The following TET3 variants were observed in gnomAD, a reference collection of about 807,000 sequenced individuals.
TET3 encodes the protein methylcytosine dioxygenase TET3.
A neutral mutation model predicts 141.4 loss-of-function variants in TET3; 19 were observed. The ratio of observed to expected loss-of-function variants is 0.13; its 90% CI spans 0.09 to 0.20. The LOEUF is 0.20. Among genes scored for constraint, TET3 ranks in the 10% least tolerant of loss-of-function variants. TET3 has a pLI of 1.00. For synonymous variants in TET3, 1,043 were observed against 980.9 expected, an observed-to-expected ratio of 1.06 and a Z score of -1.18; for missense variants, 1,874 against 2,356.9, an observed-to-expected ratio of 0.80 and a Z score of 4.24.
chr2:74,049,207 G>A (rs1167403099), intron 4 of TET3, among the ~76,000 whole-genome samples: 1 of 152,134 alleles, frequency 6.6e-6, no homozygotes, highest in Non-Finnish European at 1.5e-5. Flanking sequence ...CCTGGGGGTG[G>A]TGGTGTTCAC....
At position 74,047,472 on chromosome 2, in the gene TET3, G is replaced by A. The variant is rs539053042; in HGVS notation, c.1555G>A (p.Asp519Asn). 19 of 1,612,314 alleles carry A rather than the reference G, an allele frequency of 1.2e-5. No individual in the cohort carries two copies. The highest frequency in any genetic ancestry group is 1.0e-4 in the Admixed American group (6 of 59,978). Reference protein sequence around the residue: ...REAPTPSSEPDTHQKAQTALQ... With the variant: ...REAPTPSSEPNTHQKAQTALQ... ...GGCTCCCACGCCATCCTCGGAGCCC[G>A]ACACCCACCAGAAGGCCCAGACCGC... The change falls in exon 4 of 12, where the codon GAC becomes AAC. Residue 519 changes from aspartate (D) to asparagine (N), a missense_variant. Asp to Asn is a conservative substitution (Grantham distance 23, BLOSUM62 1). Around this residue, in one of 10 missense-constraint regions of TET3, gnomAD observed 484 missense variants for 462.2 expected, o/e 1.05. Coordinates refer to ENST00000409262, the MANE Select transcript of TET3 (RefSeq NM_001287491.2).
intron 3 of TET3, among the ~76,000 whole-genome samples, chr2:74,012,906 T>C (rs1685532450): frequency 6.6e-6 from 1 of 152,148 alleles, no homozygotes; most frequent in Admixed American, 6.5e-5. Flanking sequence ...GCTTTTGTCA[T>C]GTCTGTTTAG....
chr2:74,005,335 A>G (rs371598915), intron 3 of TET3, among the ~76,000 whole-genome samples: 4 of 152,160 alleles, frequency 2.6e-5, no homozygotes, highest in East Asian at 3.9e-4. Context: ...CTGAGTTTTT[A>G]AAACTCTGAG....
In TET3 at chr2:73,986,287, C is replaced by T. The variant is rs2105055863; in HGVS notation, c.-117C>T. 1.0e-5 allele frequency: 10 copies of T among 975,352 alleles called. No individual in the cohort carries two copies. The highest frequency in any genetic ancestry group is 1.3e-5 in the Non-Finnish European group (10 of 754,638). The allele number at this position is 975,352 out of a possible 1,614,324, so 60.4% of individuals were successfully genotyped here. A position where few individuals can be genotyped will look rare whatever the true frequency, so the allele number is the denominator to read the frequency against. ...CCACGAGACTGAAGCCACTTGCCTT[C>T]ACCCTTGTAGACTCTTGACTGTTCT... On this transcript the variant is annotated 5_prime_UTR_variant, in exon 2 of 12. Transcript: ENST00000409262.
chr2:74,130,849 C>A, the TET3 span: 6,154 of 152,354 alleles, frequency 0.04, 230 homozygotes, highest in African/African-American at 0.1. Context: ...CCTGCCCGGG[C>A]TCTGGCTGCC....
chr2:74,074,225 C>T (rs1383272445), intron 5 of TET3, among the ~76,000 whole-genome samples: 2 of 152,070 alleles, frequency 1.3e-5, no homozygotes, highest in African/African-American at 2.4e-5. Flanking sequence ...TCACATTGTA[C>T]GTTTATCCAA....
chr2:74,041,657 C>T (rs976550439), intron 3 of TET3, among the ~76,000 whole-genome samples: 4 of 152,180 alleles, frequency 2.6e-5, no homozygotes, highest in African/African-American at 9.7e-5. Context: ...TAATGGATCA[C>T]AGCATAAAAT....
intron 4 of TET3, among the ~76,000 whole-genome samples, chr2:74,069,582 TTCTTA>T (rs1440140722): frequency 6.6e-6 from 1 of 151,558 alleles, no homozygotes; most frequent in Non-Finnish European, 1.5e-5. Context: ...TCTATGCCCT[TTCTTA>T]TCTTTTTTTT....
At chr2:74,043,607 C>T (rs1349982780) in intron 3 of TET3, among the ~76,000 whole-genome samples, 2 of 152,088 alleles carry the variant, frequency 1.3e-5, no homozygotes, top group Non-Finnish European at 2.9e-5. Flanking sequence ...CTCTAAGAGG[C>T]TGAGAAGGGC....
intron 3 of TET3, among the ~76,000 whole-genome samples, chr2:74,039,436 A>G (rs1687231093): frequency 6.6e-6 from 1 of 152,166 alleles, no homozygotes; most frequent in Admixed American, 6.5e-5. Flanking sequence ...CAGCACTGAT[A>G]TGATTTAGGG....
chr2:74,102,416 T>G lies in TET3; in HGVS notation c.*240T>G. On this transcript the variant is annotated 3_prime_UTR_variant, in exon 12 of 12. Transcript: ENST00000409262. ...GAAACTACGGCTGTCGGGTGATTTT[T>G]CCGTGATCTTAATATTTATATCTCC... 2.4e-6 allele frequency: 1 copy of G among 422,736 alleles called. No individual in the cohort carries two copies. Among genetic ancestry groups the G allele is most frequent in the East Asian group, 4.4e-5 (1 of 22,762 alleles). 26.2% of individuals were successfully genotyped at this position (422,736 alleles called of 1,614,324 possible). A position where few individuals can be genotyped will look rare whatever the true frequency, so the allele number is the denominator to read the frequency against.
rs772400180 is a variant in TET3 at position 73,991,805 on chromosome 2, CAAA to C, written c.303+5120_303+5122del. ...GGGCAACAAGAGTGAAACTCTGTCT[CAAA>C]AAAAAAAAAAAAAAAAAAAAGAAGG... On this transcript the variant is annotated intron_variant, in intron 2 of 11. Coordinates refer to ENST00000409262, the MANE Select transcript of TET3 (RefSeq NM_001287491.2). Among the ~76,000 whole-genome samples the C allele has an allele frequency of 3.2e-3, 258 of 79,588 alleles. 2 individuals carry two copies. Among genetic ancestry groups the C allele is most frequent in the African/African-American group, 0.011 (225 of 21,290 alleles). The allele number at this position is 79,588 out of a possible 152,430, so 52.2% of individuals were successfully genotyped here.
intron 5 of TET3, among the ~76,000 whole-genome samples, chr2:74,078,506 A>G (rs190052275): frequency 2.4e-4 from 37 of 152,246 alleles, no homozygotes; most frequent in Non-Finnish European, 3.7e-4. Context: ...ATGGTTTTTC[A>G]TTGCATGAAA....
chr2:74,096,290 A>G (rs1159979603), intron 10 of TET3, among the ~76,000 whole-genome samples: 1 of 152,204 alleles, frequency 6.6e-6, no homozygotes, highest in African/African-American at 2.4e-5. Context: ...GTAGACCCAC[A>G]CATAGTCTGG....
chr2:74,032,124 C>G (rs1173202677), intron 3 of TET3, among the ~76,000 whole-genome samples: 1 of 150,006 alleles, frequency 6.7e-6, no homozygotes, highest in African/African-American at 2.4e-5. Flanking sequence ...TGTCCTCCTT[C>G]TCTAAACCTG....
intron 3 of TET3, among the ~76,000 whole-genome samples, chr2:74,028,924 G>A (rs1019350225): frequency 5.3e-5 from 8 of 152,186 alleles, no homozygotes; most frequent in African/African-American, 1.9e-4. Flanking sequence ...CTAGTCCATA[G>A]ATCACACTTA....
chr2:74,078,781 T>G (rs1465026537), intron 5 of TET3, among the ~76,000 whole-genome samples: 7 of 152,204 alleles, frequency 4.6e-5, no homozygotes, highest in African/African-American at 1.7e-4. Flanking sequence ...ATGATCAAAT[T>G]GAATTTATTA....
intron 6 of TET3, among the ~76,000 whole-genome samples, chr2:74,086,791 T>TTA (rs1690182481): frequency 1.1e-5 from 1 of 94,056 alleles, no homozygotes; most frequent in African/African-American, 4.2e-5. Flanking sequence ...ACCCTGACTC[T>TTA]AAAAAAAAAA....
chr2:74,020,466 G>A (rs76985124), intron 3 of TET3, among the ~76,000 whole-genome samples: 1 of 152,236 alleles, frequency 6.6e-6, no homozygotes, highest in East Asian at 1.9e-4. Context: ...GAGCCACAGT[G>A]CCCAGGCTTG....
Sources: gnomAD v4.1 joint callset for allele counts (sites outside exome capture counted in the v4.1 genomes callset) on GRCh38, gnomAD v4.1.1 for gene constraint, gnomAD v4.1.1 regional missense constraint, MANE v1.5 for transcripts, NCBI Gene and HGNC (gene_info 2026-07-23, HGNC 2026-07-21) for gene names.